Variants in KIAA1217 observed in about 807,000 individuals in gnomAD.
The protein encoded by KIAA1217 is sickle tail protein homolog.
In KIAA1217, 88 loss-of-function variants were observed where a neutral mutation model predicts 163.9. That is an observed-to-expected ratio of 0.54 (90% confidence interval 0.45 to 0.64). KIAA1217 has a LOEUF of 0.64. KIAA1217 is among the 30% of genes least tolerant of loss of function. The probability of loss-of-function intolerance (pLI) is 0.00; values close to 1 mark genes in which losing one functional copy is unlikely to be tolerated. For synonymous variants in KIAA1217, 903 were observed against 923.1 expected (o/e 0.98, Z 0.39); for missense variants, 2,372 against 2,475.0 (o/e 0.96, Z 0.88).
chr10:24,393,779 C>T (rs1176648544), intron 3 of KIAA1217, among the ~76,000 whole-genome samples: 1 of 152,128 alleles, frequency 6.6e-6, no homozygotes, highest in Non-Finnish European at 1.5e-5. Flanking sequence ...TATCTACAAG[C>T]CAGGGAGAGA....
intron 2 of KIAA1217, among the ~76,000 whole-genome samples, chr10:24,373,753 C>G (rs2052037491): frequency 6.6e-6 from 1 of 152,172 alleles, no homozygotes; most frequent in South Asian, 2.1e-4. Context: ...GGGGGCTTTG[C>G]ATGGTGACAA....
intron 9 of KIAA1217, among the ~76,000 whole-genome samples, chr10:24,510,715 A>G (rs2068989731): frequency 6.6e-6 from 1 of 152,166 alleles, no homozygotes; most frequent in South Asian, 2.1e-4. Flanking sequence ...TCTTGATAGC[A>G]CGTGGCTTTG....
At chr10:24,317,712 G>A (rs188591806) in intron 2 of KIAA1217, among the ~76,000 whole-genome samples, 1 of 152,286 alleles carries the variant, frequency 6.6e-6, no homozygotes, top group East Asian at 1.9e-4. Flanking sequence ...CAGTGTACAG[G>A]TTAAAGGTTC....
At chr10:23,912,497 C>T (rs1157738094) in intron 1 of KIAA1217, among the ~76,000 whole-genome samples, 1 of 152,040 alleles carries the variant, frequency 6.6e-6, no homozygotes, top group Non-Finnish European at 1.5e-5. Flanking sequence ...TACTTTTTCC[C>T]CTTTTTGAGT....
chr10:24,227,325 T>G (rs2070722874), intron 2 of KIAA1217, among the ~76,000 whole-genome samples: 1 of 149,732 alleles, frequency 6.7e-6, no homozygotes, highest in African/African-American at 2.5e-5. Context: ...ACCCAGCTAA[T>G]TTTTTGTATT....
At chr10:24,519,662 G>A (rs1186435366) in intron 10 of KIAA1217, among the ~76,000 whole-genome samples, 1 of 152,126 alleles carries the variant, frequency 6.6e-6, no homozygotes, top group Admixed American at 6.6e-5. Context: ...GAATTACACA[G>A]CCCAAAATGT....
intron 3 of KIAA1217, among the ~76,000 whole-genome samples, chr10:24,424,725 C>T (rs1027837946): frequency 2.0e-5 from 3 of 152,170 alleles, no homozygotes; most frequent in African/African-American, 4.8e-5. Context: ...GCCTCAGCCT[C>T]CCGAGTAGCT....
At chr10:23,844,610 C>G (rs1010605758) in intron 1 of KIAA1217, among the ~76,000 whole-genome samples, 3 of 152,122 alleles carry the variant, frequency 2.0e-5, no homozygotes, top group Admixed American at 6.6e-5. Flanking sequence ...CTGGTTTTCT[C>G]TATCTCTTTT....
At position 23,913,288 on chromosome 10, in the gene KIAA1217, C is replaced by T. The variant is rs558555369; in HGVS notation, c.-320-93937C>T. On this transcript the variant is annotated intron_variant, in intron 1 of 18. Coordinates refer to the KIAA1217 transcript ENST00000376462. ...AAAGAAGTTGTCATACTGAATCAAT[C>T]CCAGAGCACAGACAGCCGATGAAGT... Among the ~76,000 whole-genome samples, 3 of 152,226 alleles carry T rather than the reference C, an allele frequency of 2.0e-5. No homozygotes were observed. The South Asian group carries it at 6.2e-4, about 32-fold the overall frequency.
At chr10:24,253,718 C>T (rs978614252) in intron 2 of KIAA1217, among the ~76,000 whole-genome samples, 4 of 149,788 alleles carry the variant, frequency 2.7e-5, no homozygotes, top group Non-Finnish European at 4.4e-5. Context: ...GGCAACACAG[C>T]GGGACTCTGT....
intron 1 of KIAA1217, among the ~76,000 whole-genome samples, chr10:23,993,870 G>T (rs757132722): frequency 4.6e-5 from 7 of 151,998 alleles, no homozygotes; most frequent in Admixed American, 3.3e-4. Flanking sequence ...ATGAGCAACC[G>T]CACCCAGTCT....
chr10:23,737,231 C>T (rs952111926), intron 1 of KIAA1217, among the ~76,000 whole-genome samples: 24 of 152,094 alleles, frequency 1.6e-4, no homozygotes, highest in African/African-American at 4.6e-4. Context: ...GACGGAGTCT[C>T]GCTCTGTCAT....
chr10:23,723,947 C>T (rs1472732108), intron 1 of KIAA1217, among the ~76,000 whole-genome samples: 1 of 152,112 alleles, frequency 6.6e-6, no homozygotes, highest in African/African-American at 2.4e-5. Context: ...TTTGGGGAAG[C>T]CCCAGGAAGC....
chr10:24,347,296 T>C (rs976263889), intron 2 of KIAA1217, among the ~76,000 whole-genome samples: 7 of 152,180 alleles, frequency 4.6e-5, no homozygotes, highest in African/African-American at 1.4e-4. Flanking sequence ...AAGGATGCAG[T>C]GCGTGATCTT....
chr10:23,835,820 G>A (rs896999908), intron 1 of KIAA1217, among the ~76,000 whole-genome samples: 5 of 152,068 alleles, frequency 3.3e-5, no homozygotes, highest in Non-Finnish European at 7.4e-5. Context: ...GCCATGAGAA[G>A]TCATTTCTCC....
At chr10:24,140,928 T>C (rs890580610) in intron 2 of KIAA1217, among the ~76,000 whole-genome samples, 1 of 152,216 alleles carries the variant, frequency 6.6e-6, no homozygotes, top group Non-Finnish European at 1.5e-5. Flanking sequence ...ATAATAATTA[T>C]GGTGCAAGTC....
At chr10:23,987,262 A>G (rs1846012540) in intron 1 of KIAA1217, among the ~76,000 whole-genome samples, 1 of 151,484 alleles carries the variant, frequency 6.6e-6, no homozygotes, top group African/African-American at 2.4e-5. Flanking sequence ...CTGTAGTCCC[A>G]GCTACTCCGG....
chr10:24,219,687 G>C lies in KIAA1217; in HGVS notation c.132G>C (p.Lys44Asn). 1 of 1,613,818 alleles carries C rather than the reference G, an allele frequency of 6.2e-7. No homozygotes were observed. The highest frequency in any genetic ancestry group is 1.1e-5 in the South Asian group (1 of 91,020). ...AAGATGCAGAATGCCGCAGAACCAA[G>C]GAACGCCTTTCTAATGGAAACAGTC... ...SPEDAECRRTKERLSNGNSRG... is the reference protein window; with the variant it reads ...SPEDAECRRTNERLSNGNSRG... The change falls in exon 2 of 21, where the codon AAG (lysine) becomes AAC (asparagine). Residue 44 changes from lysine (K) to asparagine (N), a missense_variant. Transcript: ENST00000376454.
At chr10:23,801,719 C>A (rs1322213304) in intron 1 of KIAA1217, among the ~76,000 whole-genome samples, 1 of 151,960 alleles carries the variant, frequency 6.6e-6, no homozygotes, top group African/African-American at 2.4e-5. Flanking sequence ...TATTATCCCC[C>A]TATTAAAGAT....
Sources: gnomAD v4.1 joint callset for allele counts (sites outside exome capture counted in the v4.1 genomes callset) on GRCh38, gnomAD v4.1.1 for gene constraint, MANE v1.5 for transcripts, NCBI Gene and HGNC (gene_info 2026-07-23, HGNC 2026-07-21) for gene names.